CTPS2: variants seen among roughly 807,000 people sequenced by gnomAD.
The protein encoded by CTPS2 is CTP synthase 2.
A neutral mutation model predicts 46.8 loss-of-function variants in CTPS2; 19 were observed. The ratio of observed to expected loss-of-function variants is 0.41; its 90% CI spans 0.28 to 0.60. The LOEUF (loss-of-function observed/expected upper bound fraction) is 0.60, where lower values mean the gene tolerates loss of function less well. Ranked by LOEUF, CTPS2 falls within the 20% of genes least tolerant of loss-of-function variation. CTPS2 has a pLI of 0.35. For synonymous variants in CTPS2, 151 were observed against 165.2 expected, an observed-to-expected ratio of 0.91 and a Z score of 0.66; for missense variants, 286 against 447.6, an observed-to-expected ratio of 0.64 and a Z score of 3.26.
intron 14 of CTPS2, chrX:16,638,775 T>G (rs1237183337): frequency 2.8e-6 from 1 of 351,685 alleles, no homozygotes; most frequent in Admixed American, 2.9e-5. Flanking sequence ...GGGAACCGGT[T>G]CAAATGTAAT....
At chrX:16,651,745 A>G (rs919031258) in intron 13 of CTPS2, among the ~76,000 whole-genome samples, 2 of 112,396 alleles carry the variant, frequency 1.8e-5, no homozygotes, top group African/African-American at 6.5e-5. Context: ...GTTTCACATC[A>G]AAATCACCCC....
chrX:16,610,731 CA>C (rs754436830), intron 16 of CTPS2, among the ~76,000 whole-genome samples: 4 of 112,178 alleles, frequency 3.6e-5, no homozygotes, highest in African/African-American at 1.3e-4. Flanking sequence ...ACAAAAAAGA[CA>C]CATGCACTTA....
chrX:16,619,648 A>G (rs1489650874), intron 15 of CTPS2, among the ~76,000 whole-genome samples: 5 of 111,223 alleles, frequency 4.5e-5, no homozygotes, highest in African/African-American at 1.3e-4. Flanking sequence ...GGGTGATTTG[A>G]GTGACAACAA....
intron 14 of CTPS2, among the ~76,000 whole-genome samples, chrX:16,622,402 G>C (rs995058719): frequency 4.7e-5 from 5 of 105,308 alleles, no homozygotes; most frequent in African/African-American, 1.4e-4. Flanking sequence ...AGAGCGAGAT[G>C]CTGTCTCAAA....
At chrX:16,623,163 G>T (rs905309923) in intron 14 of CTPS2, among the ~76,000 whole-genome samples, 1 of 111,104 alleles carries the variant, frequency 9.0e-6, no homozygotes, top group South Asian at 3.8e-4. Flanking sequence ...TATTTAGGGG[G>T]TACATGAGAT....
intron 16 of CTPS2, among the ~76,000 whole-genome samples, chrX:16,610,530 A>T (rs1289578062): frequency 2.7e-5 from 3 of 111,902 alleles, no homozygotes; most frequent in East Asian, 2.8e-4. Context: ...AGCTATTATT[A>T]AAAAAGTCAA....
At chrX:16,700,283 A>T (rs1924455579) in intron 2 of CTPS2, among the ~76,000 whole-genome samples, 1 of 108,748 alleles carries the variant, frequency 9.2e-6, no homozygotes, top group African/African-American at 3.3e-5. Context: ...CACCCAGCTA[A>T]TTTTTTTGTA....
chrX:16,705,274 A>C (rs1180574775), intron 1 of CTPS2, among the ~76,000 whole-genome samples: 1 of 112,317 alleles, frequency 8.9e-6, no homozygotes, highest in African/African-American at 3.2e-5. Context: ...ATTACAACTC[A>C]TCTAGCTCAC....
chrX:16,605,048 C>G (rs994945612), intron 17 of CTPS2, among the ~76,000 whole-genome samples: 2 of 112,025 alleles, frequency 1.8e-5, no homozygotes, highest in Non-Finnish European at 3.8e-5. Flanking sequence ...GGCTGGTGTC[C>G]GGGAACATGG....
chrX:16,661,699 G>A (rs184178663), intron 13 of CTPS2, among the ~76,000 whole-genome samples: 138 of 111,300 alleles, frequency 1.2e-3, no homozygotes, highest in Non-Finnish European at 2.3e-3. Context: ...GATAAATGAC[G>A]TCATACCTAT....
intron 13 of CTPS2, among the ~76,000 whole-genome samples, chrX:16,663,792 C>G (rs1212031776): frequency 9.0e-6 from 1 of 111,016 alleles, no homozygotes; most frequent in Non-Finnish European, 1.9e-5. Context: ...AGTTCTGTAC[C>G]TTTTTCTGCA....
rs756804558 is a variant in CTPS2, at chrX:16,654,638, A to C, written c.1296+12876T>G. On this transcript the variant is annotated intron_variant, in intron 13 of 18. Transcript: ENST00000359276. ...TTATAATAACCTGGCTGTGAGGTTC[A>C]GTTATTATTAATAAAGAAATTATTA... is the stretch of plus-strand genomic sequence containing the variant. 8.1e-6 allele frequency: 3 copies of C among 370,043 alleles called. No homozygotes were observed. In the East Asian group the frequency reaches 1.3e-4, roughly 16 times the overall value. The allele number at this position is 370,043 out of a possible 1,213,427, so 30.5% of individuals were successfully genotyped here.
At chrX:16,677,081 A>C in intron 10 of CTPS2, among the ~76,000 whole-genome samples, 1 of 106,505 alleles carries the variant, frequency 9.4e-6, no homozygotes, top group South Asian at 4.1e-4. Context: ...AAAAAAAACA[A>C]GAGGGATGGG....
intron 13 of CTPS2, among the ~76,000 whole-genome samples, chrX:16,655,312 G>A (rs1395713678): frequency 1.8e-5 from 2 of 111,708 alleles, no homozygotes; most frequent in African/African-American, 6.5e-5. Context: ...GGCATGTGAC[G>A]TGTAATATAA....
At chrX:16,643,924 G>T (rs774042980) in intron 13 of CTPS2, among the ~76,000 whole-genome samples, 1 of 111,040 alleles carries the variant, frequency 9.0e-6, no homozygotes, top group East Asian at 2.8e-4. Context: ...ATGCTTTAGG[G>T]GCCCCCTCCA....
chrX:16,611,223 G>A (rs1930240338), intron 16 of CTPS2, among the ~76,000 whole-genome samples: 1 of 111,891 alleles, frequency 8.9e-6, no homozygotes, highest in South Asian at 3.7e-4. Flanking sequence ...GGCCAAGGTG[G>A]GCAGATTTCT....
chrX:16,645,150 CTTTT>C (rs60451307), intron 13 of CTPS2, among the ~76,000 whole-genome samples: 1 of 97,920 alleles, frequency 1.0e-5, no homozygotes, highest in African/African-American at 3.7e-5. Context: ...GCCCGGCTAA[CTTTT>C]TTTTTTTTTT....
intron 14 of CTPS2, among the ~76,000 whole-genome samples, chrX:16,628,388 C>T (rs377511724): frequency 2.5e-4 from 28 of 110,813 alleles, no homozygotes; most frequent in East Asian, 8.5e-4. Flanking sequence ...TTTTTTAAAA[C>T]GGAGTCTCAC....
At chrX:16,684,004 C>G (rs868836410) in intron 8 of CTPS2, among the ~76,000 whole-genome samples, 90 of 111,572 alleles carry the variant, frequency 8.1e-4, no homozygotes, top group Non-Finnish European at 1.5e-3. Flanking sequence ...AGAAGACACT[C>G]GATCACATTT....
Sources: gnomAD v4.1 joint callset for allele counts (sites outside exome capture counted in the v4.1 genomes callset) on GRCh38, gnomAD v4.1.1 for gene constraint, MANE v1.5 for transcripts, NCBI Gene and HGNC (gene_info 2026-07-23, HGNC 2026-07-21) for gene names.